The following LIN54 variants were observed in gnomAD, a reference collection of about 807,000 sequenced individuals.
The protein encoded by LIN54 is lin-54 DREAM MuvB core complex component.
Under a neutral mutation model 78.7 loss-of-function variants are expected in LIN54, and 9 were observed. The observed-to-expected ratio is 0.11, with a 90% CI of 0.07 to 0.20. The LOEUF (loss-of-function observed/expected upper bound fraction) is 0.20. Among genes scored for constraint, LIN54 ranks in the 10% least tolerant of loss-of-function variants. The probability of loss-of-function intolerance (pLI) is 1.00; values close to 1 mark genes in which losing one functional copy is unlikely to be tolerated. For missense variants in LIN54, 573 were observed against 889.9 expected (o/e 0.64, Z 4.53); for synonymous variants, 269 against 318.4 (o/e 0.84, Z 1.65).
chr4:82,988,536 T>C (rs1284438963), intron 1 of LIN54, among the ~76,000 whole-genome samples: 1 of 152,232 alleles, frequency 6.6e-6, no homozygotes, highest in African/African-American at 2.4e-5. Context: ...TTTTCATTTC[T>C]TTTGAGTAAA....
chr4:82,960,868 G>A (rs898248636), intron 4 of LIN54, among the ~76,000 whole-genome samples: 12 of 151,962 alleles, frequency 7.9e-5, no homozygotes, highest in African/African-American at 1.9e-4. Flanking sequence ...TAAGACCAGC[G>A]TGGGCAACAT....
chr4:82,986,751 C>T (rs66746296), intron 1 of LIN54, among the ~76,000 whole-genome samples: 27,192 of 140,608 alleles, frequency 0.19, 2,668 homozygotes, highest in South Asian at 0.34. Flanking sequence ...CCAAAATTAA[C>T]ACACAAGTAG....
At chr4:82,975,699 C>G (rs1369412164) in intron 3 of LIN54, among the ~76,000 whole-genome samples, 1 of 148,606 alleles carries the variant, frequency 6.7e-6, no homozygotes, top group African/African-American at 2.5e-5. Flanking sequence ...GCAAAAAGAG[C>G]GAAAACTCCA....
Position 82,983,101 on chromosome 4 carries a change from G to A in LIN54, c.684+1060C>T, listed in dbSNP as rs553829363. On this transcript the variant is annotated intron_variant, in intron 2 of 12. Transcript: ENST00000340417. The stretch of plus-strand genomic sequence containing the variant: ...CGGCTCACTGCAACCTCTGCCTCCC[G>A]GGTTCAACCGATTCTCCTGTCTCAG... Among the ~76,000 whole-genome samples, 13 of 150,500 alleles carry A rather than the reference G, an allele frequency of 8.6e-5. No individual in the cohort carries two copies. The East Asian group carries it at 1.6e-3, about 18-fold the overall frequency.
intron 4 of LIN54, among the ~76,000 whole-genome samples, chr4:82,953,021 C>A (rs1723966417): frequency 6.6e-6 from 1 of 152,186 alleles, no homozygotes; most frequent in Non-Finnish European, 1.5e-5. Context: ...GTGGCCCAGC[C>A]TGGACAGCAG....
chr4:82,947,702 C>T lies in LIN54; in HGVS notation c.952-1228G>A, dbSNP rs1452985992. On this transcript the variant is annotated intron_variant, in intron 4 of 12. Transcript: ENST00000340417. The stretch of plus-strand genomic sequence containing the variant: ...AACACAATAGTCTTTTGAGAAGTCC[C>T]TAACTGCTGTTTAACCAATGTACAA... Among the ~76,000 whole-genome samples, 4 of 152,088 alleles carry T rather than the reference C, an allele frequency of 2.6e-5. 1 individual carries two copies. Among genetic ancestry groups the T allele is most frequent in the African/African-American group, 9.7e-5 (4 of 41,402 alleles).
intron 12 of LIN54, among the ~76,000 whole-genome samples, chr4:82,930,729 G>T (rs534355179): frequency 1.2e-4 from 18 of 152,206 alleles, no homozygotes; most frequent in African/African-American, 4.1e-4. Context: ...AAGCACAGTG[G>T]ACTAAATCAT....
chr4:82,988,219 C>T (rs1727340253), intron 1 of LIN54, among the ~76,000 whole-genome samples: 1 of 151,976 alleles, frequency 6.6e-6, no homozygotes, highest in Non-Finnish European at 1.5e-5. Context: ...GATTATTTGT[C>T]TTTTTGCTCA....
intron 1 of LIN54, among the ~76,000 whole-genome samples, chr4:82,989,348 G>A (rs1162263949): frequency 6.6e-6 from 1 of 152,146 alleles, no homozygotes; most frequent in African/African-American, 2.4e-5. Flanking sequence ...CCTGATCAAA[G>A]AATCCCCTCT....
chr4:82,935,826 C>T (rs545379799), intron 11 of LIN54, among the ~76,000 whole-genome samples, 155 bp downstream of exon 11: 6 of 152,132 alleles, frequency 3.9e-5, no homozygotes, highest in African/African-American at 1.4e-4. Context: ...TACAGAGGCT[C>T]GAAGGCCTTC....
Position 83,006,218 on chromosome 4 carries a change from G to A in LIN54, c.-33+4266C>T, listed in dbSNP as rs565393568. Among the ~76,000 whole-genome samples, 16 of 152,280 alleles carry A rather than the reference G, an allele frequency of 1.1e-4. No individual in the cohort carries two copies. In the South Asian group the frequency reaches 3.3e-3, roughly 32 times the overall value. ...TAATCCCAGGACTTTGGGAGGCTGA[G>A]GTGGGCGGACCATGAGGTCAGGAGA... On this transcript the variant is annotated intron_variant, in intron 1 of 12. Transcript: ENST00000340417.
In LIN54 at chr4:82,928,015, C is replaced by T; in HGVS notation, c.*87G>A. On this transcript the variant is annotated 3_prime_UTR_variant, in exon 13 of 13. Coordinates refer to ENST00000340417, the MANE Select transcript of LIN54 (RefSeq NM_194282.4). The stretch of plus-strand genomic sequence containing the variant: ...TTAAAACAAGGACTGAATTAAAATA[C>T]AGTAATTGTTTTTCTTCCAGAAAAT... 1 of 1,080,412 alleles carries T rather than the reference C, an allele frequency of 9.3e-7. No homozygotes were observed. The highest frequency in any genetic ancestry group is 1.4e-6 in the Non-Finnish European group (1 of 708,898). The allele number at this position is 1,080,412 out of a possible 1,614,324, so 66.9% of individuals were successfully genotyped here.
chr4:82,976,107 G>A (rs576947360), intron 3 of LIN54, among the ~76,000 whole-genome samples: 2 of 152,262 alleles, frequency 1.3e-5, no homozygotes, highest in Admixed American at 1.3e-4. Flanking sequence ...CTTACAATAA[G>A]TTAAATCAGT....
At position 82,947,207 on chromosome 4, in the gene LIN54, TTATATATATATATATA is replaced by T. The variant is rs1207992875; in HGVS notation, c.952-749_952-734del. On this transcript the variant is annotated intron_variant, in intron 4 of 12. Coordinates refer to ENST00000340417, the MANE Select transcript of LIN54 (RefSeq NM_194282.4). ...TGTATTCCCTGAGTCAAAAAAAAATTTATATATATATATATATATATATATATATTTTTTTTTTTTT... is the reference window on the plus strand; with the variant it reads ...TGTATTCCCTGAGTCAAAAAAAAATTTATATATATATATTTTTTTTTTTTT... 1.6e-4 allele frequency among the ~76,000 whole-genome samples: 12 copies of T among 76,210 alleles called. 1 individual carries two copies. The highest frequency in any genetic ancestry group is 6.2e-4 in the African/African-American group (11 of 17,646). 50.0% of individuals were successfully genotyped at this position (76,210 alleles called of 152,430 possible).
intron 1 of LIN54, among the ~76,000 whole-genome samples, chr4:83,008,513 G>A (rs1224225570): frequency 2.0e-5 from 3 of 152,126 alleles, no homozygotes; most frequent in Non-Finnish European, 4.4e-5. Context: ...TTAGCCCGGC[G>A]TGGTGGCGGG....
chr4:82,928,185 G>A lies in LIN54; in HGVS notation c.2167C>T (p.Leu723Phe), dbSNP rs760278218. The A allele has an allele frequency of 1.9e-6, 3 of 1,614,244 alleles. No homozygotes were observed. The highest frequency in any genetic ancestry group is 1.7e-6 in the Non-Finnish European group (2 of 1,180,036). ...ATCAAACATCGTCCGAATTCCTCAA[G>A]TATCATCCGTTCCGCTGCTGCCTTT... ...KSKAAAERMI[L>F]EEFGRCLMSV... The change falls in exon 13 of 13, where the codon CTT (leucine) becomes TTT (phenylalanine). Residue 723 changes from leucine (L) to phenylalanine (F), a missense_variant. Coordinates refer to ENST00000340417, the MANE Select transcript of LIN54 (RefSeq NM_194282.4).
chr4:82,993,102 A>G (rs2126097365), intron 1 of LIN54, among the ~76,000 whole-genome samples: 2 of 150,552 alleles, frequency 1.3e-5, no homozygotes, highest in East Asian at 3.9e-4. Context: ...AGCTCAAGTG[A>G]TCTGCCCAGC....
chr4:82,971,324 C>T (rs1479850872), intron 3 of LIN54, among the ~76,000 whole-genome samples: 1 of 151,812 alleles, frequency 6.6e-6, no homozygotes, highest in Non-Finnish European at 1.5e-5. Context: ...TCCTGGCAGA[C>T]GAGTTATGAG....
chr4:82,973,970 G>C (rs1204705016), intron 3 of LIN54, among the ~76,000 whole-genome samples: 1 of 152,142 alleles, frequency 6.6e-6, no homozygotes, highest in East Asian at 1.9e-4. Context: ...CAGCACTTTG[G>C]GAGGACAAGG....
Sources: allele counts gnomAD v4.1 joint callset (sites outside exome capture counted in the v4.1 genomes callset), GRCh38; gene constraint gnomAD v4.1.1; transcripts MANE v1.5; gene names NCBI Gene and HGNC (gene_info 2026-07-23, HGNC 2026-07-21).